GATAD2B: variants seen among roughly 807,000 people sequenced by gnomAD.
GATAD2B encodes the protein transcriptional repressor p66-beta.
A neutral mutation model predicts 64.3 loss-of-function variants in GATAD2B; 8 were observed. The observed-to-expected ratio is 0.12, with a 90% CI of 0.07 to 0.22. The LOEUF (loss-of-function observed/expected upper bound fraction) is 0.22. GATAD2B is among the 10% of genes least tolerant of loss of function. GATAD2B has a pLI of 1.00. For missense variants in GATAD2B, 453 were observed against 752.0 expected (o/e 0.60, Z 4.65); for synonymous variants, 281 against 271.3 (o/e 1.04, Z -0.35).
At chr1:153,898,571 CA>C (rs199534571) in intron 1 of GATAD2B, among the ~76,000 whole-genome samples, 14 of 147,770 alleles carry the variant, frequency 9.5e-5, no homozygotes, top group South Asian at 2.1e-4. Flanking sequence ...ACTAAACATA[CA>C]AAAAAAAAAT....
chr1:153,813,701 G>A (rs895823212), intron 7 of GATAD2B, among the ~76,000 whole-genome samples: 1 of 152,154 alleles, frequency 6.6e-6, no homozygotes, highest in Admixed American at 6.5e-5. Context: ...CTTCTGGCTG[G>A]GTGCGGTGGC....
At chr1:153,916,077 T>C (rs1678255712) in intron 1 of GATAD2B, among the ~76,000 whole-genome samples, 1 of 151,998 alleles carries the variant, frequency 6.6e-6, no homozygotes, top group Non-Finnish European at 1.5e-5. Flanking sequence ...GTCAGGAGTT[T>C]GAGACCAGCC....
At chr1:153,871,175 T>G (rs1288552733) in intron 1 of GATAD2B, among the ~76,000 whole-genome samples, 2 of 152,184 alleles carry the variant, frequency 1.3e-5, no homozygotes, top group Non-Finnish European at 2.9e-5. Flanking sequence ...CAAGTGATTC[T>G]CTTGCCTCAG....
At chr1:153,879,101 G>A (rs530011741) in intron 1 of GATAD2B, among the ~76,000 whole-genome samples, 79 of 152,146 alleles carry the variant, frequency 5.2e-4, no homozygotes, top group Non-Finnish European at 9.7e-4. Flanking sequence ...CACCACGCCC[G>A]GCTAATTTTT....
chr1:153,864,603 C>T (rs1429425000), intron 1 of GATAD2B, among the ~76,000 whole-genome samples: 1 of 150,638 alleles, frequency 6.6e-6, no homozygotes, highest in East Asian at 2.0e-4. Flanking sequence ...GGTGACAAAG[C>T]AAAACCCTGT....
intron 1 of GATAD2B, among the ~76,000 whole-genome samples, chr1:153,831,831 A>G (rs1675085323): frequency 6.6e-6 from 1 of 152,194 alleles, no homozygotes; most frequent in Non-Finnish European, 1.5e-5. Flanking sequence ...AAAGTCTGCC[A>G]CTCAACTGAT....
At chr1:153,858,345 G>A (rs1292647632) in intron 1 of GATAD2B, among the ~76,000 whole-genome samples, 1 of 152,142 alleles carries the variant, frequency 6.6e-6, no homozygotes, top group African/African-American at 2.4e-5. Context: ...GTGGGCAAGA[G>A]TTCAAGATCA....
At position 153,876,080 on chromosome 1, in the gene GATAD2B, T is replaced by G. The variant is rs1676818357; in HGVS notation, c.-2+46653A>C. Among the ~76,000 whole-genome samples the G allele has an allele frequency of 9.2e-5, 14 of 151,716 alleles. No homozygotes were observed. In the South Asian group the frequency reaches 2.7e-3, roughly 29 times the overall value. On this transcript the variant is annotated intron_variant, in intron 1 of 10. Transcript: ENST00000368655. ...CGCCTCTACTAAAAAATACAAAAAT[T>G]AGCTGGGTGTGGTGGCGCATGCCTG...
chr1:153,872,483 T>C (rs1052938240), intron 1 of GATAD2B, among the ~76,000 whole-genome samples: 5 of 152,014 alleles, frequency 3.3e-5, no homozygotes, highest in South Asian at 4.2e-4. Flanking sequence ...ACATAATATA[T>C]TGGTCATGTG....
At chr1:153,898,892 C>A (rs963287093) in intron 1 of GATAD2B, 5 of 152,184 alleles carry the variant, frequency 3.3e-5, no homozygotes, top group African/African-American at 1.2e-4. Flanking sequence ...AACAGTATGA[C>A]CCTGCTGATG....
chr1:153,838,214 T>G (rs1050072589), intron 1 of GATAD2B, among the ~76,000 whole-genome samples: 2 of 152,176 alleles, frequency 1.3e-5, no homozygotes, highest in Non-Finnish European at 2.9e-5. Flanking sequence ...TACTGTGTAT[T>G]CATGTATCTG....
chr1:153,860,779 G>A (rs1676253804), intron 1 of GATAD2B, among the ~76,000 whole-genome samples: 1 of 152,104 alleles, frequency 6.6e-6, no homozygotes. Context: ...TCTGGACTCA[G>A]CCTCCCAAGT....
chr1:153,881,499 T>A (rs1276533888), intron 1 of GATAD2B, among the ~76,000 whole-genome samples: 1 of 152,150 alleles, frequency 6.6e-6, no homozygotes, highest in Non-Finnish European at 1.5e-5. Flanking sequence ...CTGCAACAAA[T>A]TTTTTTAAAG....
chr1:153,884,596 T>C (rs1179798642), intron 1 of GATAD2B, among the ~76,000 whole-genome samples: 1 of 152,026 alleles, frequency 6.6e-6, no homozygotes, highest in Non-Finnish European at 1.5e-5. Flanking sequence ...GAGTGAGACT[T>C]CATCTCAAAA....
At chr1:153,875,647 T>C (rs1676799632) in intron 1 of GATAD2B, among the ~76,000 whole-genome samples, 1 of 141,764 alleles carries the variant, frequency 7.1e-6, no homozygotes, top group South Asian at 2.2e-4. Flanking sequence ...CTCCTGATCT[T>C]GATACAGGTC....
chr1:153,884,556 C>T (rs1162415776), intron 1 of GATAD2B, among the ~76,000 whole-genome samples: 7 of 151,924 alleles, frequency 4.6e-5, no homozygotes, highest in Admixed American at 3.9e-4. Context: ...GAGCCGAGAT[C>T]GTGCCACTGC....
chr1:153,902,396 C>T (rs374046996), intron 1 of GATAD2B, among the ~76,000 whole-genome samples: 2 of 152,228 alleles, frequency 1.3e-5, no homozygotes, highest in East Asian at 1.9e-4. Flanking sequence ...TTAAGGGGTA[C>T]TTGTTCCTAA....
chr1:153,831,308 G>T (rs1037230086), intron 1 of GATAD2B, among the ~76,000 whole-genome samples: 1 of 152,070 alleles, frequency 6.6e-6, no homozygotes, highest in Non-Finnish European at 1.5e-5. Context: ...ACACAGGAAG[G>T]GGGAACATCA....
At chr1:153,902,348 A>T (rs1677805397) in intron 1 of GATAD2B, among the ~76,000 whole-genome samples, 1 of 152,232 alleles carries the variant, frequency 6.6e-6, no homozygotes, top group South Asian at 2.1e-4. Context: ...ACTTACAGCC[A>T]AGGTGTAAAA....
Sources: gnomAD v4.1 joint callset for allele counts (sites outside exome capture counted in the v4.1 genomes callset) on GRCh38, gnomAD v4.1.1 for gene constraint, MANE v1.5 for transcripts, NCBI Gene and HGNC (gene_info 2026-07-23, HGNC 2026-07-21) for gene names.